Variants in TSPAN15 observed in about 807,000 individuals in gnomAD.
TSPAN15 encodes tetraspanin-15.
A neutral mutation model predicts 34.5 loss-of-function variants in TSPAN15; 20 were observed. The observed-to-expected ratio is 0.58, with a 90% CI of 0.41 to 0.84. The LOEUF is 0.84. Ranked by LOEUF, TSPAN15 falls within the 40% of genes least tolerant of loss-of-function variation. The probability of loss-of-function intolerance (pLI) is 0.00; values close to 1 mark genes in which losing one functional copy is unlikely to be tolerated. For synonymous variants in TSPAN15, 155 were observed against 153.9 expected (o/e 1.01, Z -0.05); for missense variants, 313 against 386.1 (o/e 0.81, Z 1.59).
chr10:69,495,437 G>A (rs560055162), intron 3 of TSPAN15, 157 bp from the exon 4 acceptor site: 26 of 610,758 alleles, frequency 4.3e-5, no homozygotes, highest in African/African-American at 9.2e-5. Context: ...GGGAGGTCAC[G>A]GGCATCCAGG....
chr10:69,495,467 C>T (rs531852873), intron 3 of TSPAN15, 127 bp from the exon 4 acceptor site: 1 of 666,334 alleles, frequency 1.5e-6, no homozygotes, highest in Non-Finnish European at 2.7e-6. Flanking sequence ...GGAGGGGGCT[C>T]CATGCTGGCT....
At chr10:69,539,418 A>AGAG in the TSPAN15 span, among the ~76,000 whole-genome samples, 1 of 127,834 alleles carries the variant, frequency 7.8e-6, no homozygotes, top group African/African-American at 3.0e-5. Context: ...AGGAAGAGGA[A>AGAG]GAAGAAGAAA....
chr10:69,495,987 G>A (rs1049013908), intron 4 of TSPAN15, among the ~76,000 whole-genome samples: 14 of 152,012 alleles, frequency 9.2e-5, no homozygotes, highest in African/African-American at 3.4e-4. Context: ...ACAAAGTCAG[G>A]TGTTGCTACA....
At chr10:69,494,984 T>A in intron 3 of TSPAN15, 1 of 584,650 alleles carries the variant, frequency 1.7e-6, no homozygotes, top group Non-Finnish European at 2.2e-6. Context: ...GTCCCAGCCC[T>A]AGCCGAGGGG....
chr10:69,537,463 G>A, the TSPAN15 span, among the ~76,000 whole-genome samples: 2 of 152,292 alleles, frequency 1.3e-5, no homozygotes, highest in Admixed American at 1.3e-4. Flanking sequence ...TCACAATTAT[G>A]GAGGCCCGAA....
the TSPAN15 span, among the ~76,000 whole-genome samples, chr10:69,545,082 T>A: frequency 0.11 from 16,312 of 152,040 alleles, 1,092 homozygotes; most frequent in African/African-American, 0.19. Context: ...AAACTGGGGG[T>A]CCCGCCTGCT....
At chr10:69,485,929 G>A (rs1441884880) in intron 3 of TSPAN15, among the ~76,000 whole-genome samples, 3 of 152,224 alleles carry the variant, frequency 2.0e-5, no homozygotes, top group Non-Finnish European at 4.4e-5. Flanking sequence ...CAGGTTGACA[G>A]GGTGATGCCT....
intron 1 of TSPAN15, among the ~76,000 whole-genome samples, chr10:69,468,869 C>T (rs936427714): frequency 2.6e-5 from 4 of 152,116 alleles, no homozygotes; most frequent in Non-Finnish European, 5.9e-5. Context: ...TGTTCTTTGT[C>T]CCCAGTTCCT....
At chr10:69,460,036 TG>T (rs1841215066) in intron 1 of TSPAN15, among the ~76,000 whole-genome samples, 1 of 138,728 alleles carries the variant, frequency 7.2e-6, no homozygotes, top group Non-Finnish European at 1.5e-5. Context: ...TGAGATGAGA[TG>T]AGATGAGATG....
chr10:69,539,536 A>AAGAAGAAGAAGAAGAAGAAGAAGG, the TSPAN15 span, among the ~76,000 whole-genome samples: 3 of 71,514 alleles, frequency 4.2e-5, no homozygotes, highest in South Asian at 4.6e-4. Flanking sequence ...GAAGAAGAAG[A>AAGAAGAAGAAGAAGAAGAAGAAGG]AGGAGAAGGA....
the TSPAN15 span, among the ~76,000 whole-genome samples, chr10:69,542,673 G>T: frequency 4.6e-5 from 7 of 152,272 alleles, no homozygotes; most frequent in East Asian, 1.2e-3. Flanking sequence ...GGTGTGGCAG[G>T]GGGGAGCCCC....
Position 69,459,117 on chromosome 10 carries a change from AAAAAAAAAC to A in TSPAN15, c.96+7430_96+7438del, listed in dbSNP as rs1416253661. Among the ~76,000 whole-genome samples, 246 of 107,056 alleles carry A rather than the reference AAAAAAAAAC, an allele frequency of 2.3e-3. 1 individual carries two copies. Among genetic ancestry groups the A allele is most frequent in the East Asian group, 8.2e-3 (41 of 4,972 alleles). 70.2% of individuals were successfully genotyped at this position (107,056 alleles called of 152,430 possible). A position where few individuals can be genotyped will look rare whatever the true frequency, so the allele number is the denominator to read the frequency against. Reference sequence around the variant, plus strand: ...AAAACAAAACAGACAAAAAAAAAAAAAAAAAAAACAACAACAAAACAACCTTTCCCAGAG... The same window carrying A: ...AAAACAAAACAGACAAAAAAAAAAAAAACAACAAAACAACCTTTCCCAGAG... On this transcript the variant is annotated intron_variant, in intron 1 of 7. Coordinates refer to ENST00000373290, the MANE Select transcript of TSPAN15 (RefSeq NM_012339.5).
the TSPAN15 span, among the ~76,000 whole-genome samples, chr10:69,512,816 GTTTA>G: frequency 6.6e-6 from 1 of 152,142 alleles, no homozygotes; most frequent in African/African-American, 2.4e-5. Context: ...ATACACCATG[GTTTA>G]TTTATCCATT....
At chr10:69,460,855 A>G (rs908771433) in intron 1 of TSPAN15, among the ~76,000 whole-genome samples, 1 of 152,108 alleles carries the variant, frequency 6.6e-6, no homozygotes, top group Non-Finnish European at 1.5e-5. Context: ...TGTTGAGGTC[A>G]GAAATGTCCT....
Position 69,451,656 on chromosome 10 carries a change from A to G in TSPAN15, c.62A>G (p.Lys21Arg), listed in dbSNP as rs1840970597. The G allele has an allele frequency of 6.5e-7, 1 of 1,546,762 alleles. No individual in the cohort carries two copies. Among genetic ancestry groups the G allele is most frequent in the Non-Finnish European group, 8.7e-7 (1 of 1,145,038 alleles). The change falls in exon 1 of 8, where the codon AAG (lysine) becomes AGG (arginine). Residue 21 changes from lysine to arginine, a missense_variant. Physicochemically the swap from Lys to Arg is conservative, Grantham distance 26. Coordinates refer to ENST00000373290, the MANE Select transcript of TSPAN15 (RefSeq NM_012339.5). Reference sequence around the variant, plus strand: ...GCGCGCTTCTCCTACCTCTGGCTCAAGTTTTCACTTATCATCTATTCCACC... The same window carrying G: ...GCGCGCTTCTCCTACCTCTGGCTCAGGTTTTCACTTATCATCTATTCCACC... ...YCARFSYLWL[K>R]FSLIIYSTVF...
chr10:69,522,247 G>A, the TSPAN15 span, among the ~76,000 whole-genome samples: 1 of 145,608 alleles, frequency 6.9e-6, no homozygotes, highest in Non-Finnish European at 1.5e-5. Flanking sequence ...TGTCATCCCA[G>A]CTACTGGGGA....
At chr10:69,505,033 G>C (rs192659109) in intron 6 of TSPAN15, among the ~76,000 whole-genome samples, 34 of 152,322 alleles carry the variant, frequency 2.2e-4, no homozygotes, top group African/African-American at 8.2e-4. Context: ...TGTGAGAAAT[G>C]CACATTCTTG....
chr10:69,479,045 C>T (rs1841675365), intron 1 of TSPAN15, among the ~76,000 whole-genome samples: 1 of 152,208 alleles, frequency 6.6e-6, no homozygotes. Context: ...CCCTAAATTC[C>T]ATCCATTGGA....
At chr10:69,525,574 A>G in the TSPAN15 span, among the ~76,000 whole-genome samples, 1 of 146,994 alleles carries the variant, frequency 6.8e-6, no homozygotes, top group Non-Finnish European at 1.5e-5. Context: ...TAATCCCAGC[A>G]CTTTGGGAGG....
Sources: allele counts gnomAD v4.1 joint callset (sites outside exome capture counted in the v4.1 genomes callset), GRCh38; gene constraint gnomAD v4.1.1; transcripts MANE v1.5; gene names NCBI Gene and HGNC (gene_info 2026-07-23, HGNC 2026-07-21).